TENM2: variants seen among roughly 807,000 people sequenced by gnomAD.
TENM2 encodes teneurin transmembrane protein 2.
Under a neutral mutation model 245.2 loss-of-function variants are expected in TENM2, and 52 were observed. That is an observed-to-expected ratio of 0.21 (90% CI 0.17 to 0.27). The LOEUF (loss-of-function observed/expected upper bound fraction) is 0.27. Among genes scored for constraint, TENM2 ranks in the 10% least tolerant of loss-of-function variants. The probability of loss-of-function intolerance (pLI) is 1.00; values close to 1 mark genes in which losing one functional copy is unlikely to be tolerated. For synonymous variants in TENM2, 1,363 were observed against 1,438.9 expected (o/e 0.95, Z 1.19); for missense variants, 3,046 against 3,666.8 (o/e 0.83, Z 4.37).
At chr5:168,034,298 G>A (rs112438186) in intron 5 of TENM2, among the ~76,000 whole-genome samples, 5 of 145,454 alleles carry the variant, frequency 3.4e-5, no homozygotes, top group South Asian at 2.2e-4. Flanking sequence ...CCAAGATGGC[G>A]CCACTCCACT....
the TENM2 span, among the ~76,000 whole-genome samples, chr5:167,097,340 G>A: frequency 3.3e-5 from 5 of 152,172 alleles, no homozygotes; most frequent in Non-Finnish European, 5.9e-5. Flanking sequence ...TATTGATGCT[G>A]CCATCACCAA....
At chr5:167,212,444 T>C in the TENM2 span, among the ~76,000 whole-genome samples, 2 of 152,198 alleles carry the variant, frequency 1.3e-5, no homozygotes, top group Admixed American at 6.5e-5. Flanking sequence ...GAAAATTAAC[T>C]GCTAAATGAC....
the TENM2 span, among the ~76,000 whole-genome samples, chr5:167,111,653 A>T: frequency 1.3e-5 from 2 of 152,214 alleles, no homozygotes; most frequent in Non-Finnish European, 2.9e-5. Flanking sequence ...CAAACAACAA[A>T]TGCAAATTTC....
At chr5:167,130,401 T>G in the TENM2 span, among the ~76,000 whole-genome samples, 2,197 of 152,298 alleles carry the variant, frequency 0.014, 46 homozygotes, top group African/African-American at 0.05. Flanking sequence ...CTTTTACATT[T>G]ATTAAGCCCT....
intron 3 of TENM2, among the ~76,000 whole-genome samples, chr5:167,886,095 T>C (rs1774267560): frequency 6.6e-6 from 1 of 152,174 alleles, no homozygotes; most frequent in South Asian, 2.1e-4. Flanking sequence ...TGCTCCTGCC[T>C]GGTGGTGTTT....
At chr5:167,264,679 G>A in the TENM2 span, among the ~76,000 whole-genome samples, 10 of 152,226 alleles carry the variant, frequency 6.6e-5, no homozygotes, top group East Asian at 1.9e-4. Flanking sequence ...ATTTTTATGC[G>A]TCCGCTGCCT....
At chr5:168,002,215 G>A (rs1211509353) in intron 5 of TENM2, among the ~76,000 whole-genome samples, 1 of 152,176 alleles carries the variant, frequency 6.6e-6, no homozygotes, top group African/African-American at 2.4e-5. Context: ...GTTAGGGAAG[G>A]CCCTTCCCTT....
At chr5:167,146,169 A>G in the TENM2 span, among the ~76,000 whole-genome samples, 1 of 152,064 alleles carries the variant, frequency 6.6e-6, no homozygotes, top group Non-Finnish European at 1.5e-5. Context: ...GGACCCAATT[A>G]TTTATGGAGC....
At chr5:167,429,199 G>A (rs77045774) in intron 2 of TENM2, among the ~76,000 whole-genome samples, 1,962 of 152,232 alleles carry the variant, frequency 0.013, 45 homozygotes, top group African/African-American at 0.045. Context: ...GCAGGGATGA[G>A]GATCTAGCAT....
At chr5:167,013,836 A>G in the TENM2 span, among the ~76,000 whole-genome samples, 1 of 152,222 alleles carries the variant, frequency 6.6e-6, no homozygotes, top group Non-Finnish European at 1.5e-5. Flanking sequence ...GTTTGATTGT[A>G]AGATTACTAC....
chr5:167,703,530 C>CAAAAAAAAAAAAAAAAA (rs747603141), intron 2 of TENM2, among the ~76,000 whole-genome samples: 9 of 97,166 alleles, frequency 9.3e-5, no homozygotes, highest in African/African-American at 2.6e-4. Flanking sequence ...GAAACCATCT[C>CAAAAAAAAAAAAAAAAA]AAAAAAAAAA....
chr5:167,482,005 G>T (rs1767785304), intron 2 of TENM2, among the ~76,000 whole-genome samples: 1 of 152,110 alleles, frequency 6.6e-6, no homozygotes, highest in Non-Finnish European at 1.5e-5. Flanking sequence ...AGCACTGAGT[G>T]CATGTAAATT....
chr5:167,031,991 G>C, the TENM2 span, among the ~76,000 whole-genome samples: 16 of 152,234 alleles, frequency 1.1e-4, no homozygotes, highest in African/African-American at 3.6e-4. Context: ...TTTTGCCATA[G>C]TTAGAAGGTA....
At chr5:167,662,353 T>A (rs986921751) in intron 2 of TENM2, among the ~76,000 whole-genome samples, 2 of 152,204 alleles carry the variant, frequency 1.3e-5, no homozygotes, top group Non-Finnish European at 2.9e-5. Context: ...GATCTTGGTT[T>A]ATGTGTGTTG....
chr5:167,262,689 C>T, the TENM2 span, among the ~76,000 whole-genome samples: 1 of 151,982 alleles, frequency 6.6e-6, no homozygotes, highest in Non-Finnish European at 1.5e-5. Context: ...GGAAGATATT[C>T]CTGGAACTCT....
intron 2 of TENM2, among the ~76,000 whole-genome samples, chr5:167,487,949 T>C (rs1233744285): frequency 1.3e-5 from 2 of 152,184 alleles, no homozygotes; most frequent in African/African-American, 4.8e-5. Flanking sequence ...ATTTATAAAA[T>C]TATTGTAAAA....
the TENM2 span, among the ~76,000 whole-genome samples, chr5:167,158,446 G>T: frequency 1.3e-5 from 2 of 152,160 alleles, no homozygotes; most frequent in African/African-American, 4.8e-5. Context: ...GTTTAGATTG[G>T]CCTGCTTGGG....
intron 4 of TENM2, among the ~76,000 whole-genome samples, chr5:167,982,522 C>A (rs922963051): frequency 5.3e-5 from 8 of 152,116 alleles, no homozygotes; most frequent in Admixed American, 4.6e-4. Context: ...GATTGTATTC[C>A]TGTTCTTTTT....
chr5:167,281,736 C>T (rs1345183735), upstream of TENM2, among the ~76,000 whole-genome samples: 4 of 152,114 alleles, frequency 2.6e-5, no homozygotes, highest in Non-Finnish European at 4.4e-5. Context: ...CAGTGGCTCA[C>T]GCCTGTAATC....
Sources: allele counts gnomAD v4.1 joint callset (sites outside exome capture counted in the v4.1 genomes callset), GRCh38; gene constraint gnomAD v4.1.1; transcripts MANE v1.5; gene names NCBI Gene and HGNC (gene_info 2026-07-23, HGNC 2026-07-21).